SENP7: variants seen among roughly 807,000 people sequenced by gnomAD.
SENP7 encodes the protein sentrin-specific protease 7.
A neutral mutation model predicts 141.2 loss-of-function variants in SENP7; 64 were observed. The ratio of observed to expected loss-of-function variants is 0.45; its 90% confidence interval spans 0.37 to 0.56. SENP7 has a LOEUF of 0.56. Among genes scored for constraint, SENP7 ranks in the 20% least tolerant of loss-of-function variants. The pLI, the probability that SENP7 is intolerant of heterozygous loss-of-function variation, is 0.00. For synonymous variants in SENP7, 382 were observed against 426.4 expected (o/e 0.90, Z 1.28); for missense variants, 1,025 against 1,212.2 (o/e 0.85, Z 2.29).
At chr3:101,453,523 A>C (rs2063229535) in intron 4 of SENP7, among the ~76,000 whole-genome samples, 1 of 152,230 alleles carries the variant, frequency 6.6e-6, no homozygotes, top group Non-Finnish European at 1.5e-5. Flanking sequence ...ACACCATGGA[A>C]TACTATGCAG....
intron 6 of SENP7, among the ~76,000 whole-genome samples, chr3:101,372,641 A>T (rs2060212855): frequency 1.3e-5 from 2 of 152,084 alleles, no homozygotes; most frequent in African/African-American, 4.8e-5. Context: ...TTTTGGAATG[A>T]TAGTCACAAT....
chr3:101,489,509 T>C (rs1250367836), intron 3 of SENP7, among the ~76,000 whole-genome samples: 1 of 152,208 alleles, frequency 6.6e-6, no homozygotes, highest in Non-Finnish European at 1.5e-5. Context: ...GGAGCCACTA[T>C]TCTTATATCA....
chr3:101,344,868 A>T (rs193258730), intron 13 of SENP7, among the ~76,000 whole-genome samples: 1 of 152,028 alleles, frequency 6.6e-6, no homozygotes, highest in East Asian at 1.9e-4. Context: ...TTGGCCAGGC[A>T]TGGTGGCTCA....
chr3:101,450,070 G>T (rs1158322178), intron 4 of SENP7, among the ~76,000 whole-genome samples: 3 of 151,450 alleles, frequency 2.0e-5, no homozygotes, highest in African/African-American at 2.4e-5. Flanking sequence ...TCCTAGTCTC[G>T]GATAAAACAG....
At chr3:101,378,232 C>T (rs1157370229) in intron 6 of SENP7, among the ~76,000 whole-genome samples, 1 of 151,678 alleles carries the variant, frequency 6.6e-6, no homozygotes, top group Non-Finnish European at 1.5e-5. Context: ...CAACAAGTAT[C>T]AGAACCAGAA....
At chr3:101,381,100 G>A (rs2060489038) in intron 6 of SENP7, among the ~76,000 whole-genome samples, 2 of 152,146 alleles carry the variant, frequency 1.3e-5, no homozygotes, top group Non-Finnish European at 2.9e-5. Flanking sequence ...TAATTCTAAG[G>A]CGAATGCATG....
At chr3:101,475,908 A>G (rs2064195641) in intron 3 of SENP7, among the ~76,000 whole-genome samples, 1 of 152,170 alleles carries the variant, frequency 6.6e-6, no homozygotes, top group African/African-American at 2.4e-5. Context: ...TGATACTTGG[A>G]GAATTAAACA....
intron 21 of SENP7, 36 bp from the exon 22 acceptor site, chr3:101,328,582 A>G: frequency 1.3e-6 from 2 of 1,599,434 alleles, no homozygotes; most frequent in Non-Finnish European, 1.7e-6. Flanking sequence ...AGATTTACAT[A>G]CTTGTATACA....
intron 6 of SENP7, among the ~76,000 whole-genome samples, chr3:101,383,595 C>T (rs1156536834): frequency 6.6e-6 from 1 of 152,210 alleles, no homozygotes; most frequent in Non-Finnish European, 1.5e-5. Flanking sequence ...GTGCCCACTC[C>T]AATTCTAGAG....
intron 1 of SENP7, among the ~76,000 whole-genome samples, chr3:101,512,247 G>A (rs902857918): frequency 9.2e-5 from 14 of 152,126 alleles, no homozygotes; most frequent in Admixed American, 7.9e-4. Flanking sequence ...ATGAGTCCTC[G>A]TCCTCTCCTC....
intron 23 of SENP7, 67 bp downstream of exon 23, chr3:101,327,599 A>G: frequency 8.0e-7 from 1 of 1,249,482 alleles, no homozygotes; most frequent in Admixed American, 2.3e-5. Flanking sequence ...ACGGACTATT[A>G]CACCCAGTAA....
intron 11 of SENP7, 48 bp downstream of exon 11, chr3:101,361,667 C>T: frequency 6.8e-7 from 1 of 1,461,696 alleles, no homozygotes; most frequent in Non-Finnish European, 9.0e-7. Context: ...AATTAAAATG[C>T]CTTGTCCAAG....
intron 12 of SENP7, among the ~76,000 whole-genome samples, chr3:101,350,892 AAATT>A (rs1421845620): frequency 6.6e-6 from 1 of 152,004 alleles, no homozygotes; most frequent in Non-Finnish European, 1.5e-5. Flanking sequence ...GTAAGCAATC[AAATT>A]ATTAGAACAA....
rs573305375 is a variant in SENP7 at position 101,366,343 on chromosome 3, C to T, written c.1318+87G>A. 7.8e-4 allele frequency: 796 copies of T among 1,017,334 alleles called. 6 individuals are homozygous for T. The African/African-American group carries it at 0.012, about 15-fold the overall frequency. 63.0% of individuals were successfully genotyped at this position (1,017,334 alleles called of 1,614,324 possible). A position where few individuals can be genotyped will look rare whatever the true frequency, so the allele number is the denominator to read the frequency against. Reference sequence around the variant, plus strand: ...AATGATGTCATAAACAGCTTATGGCCTTAGCCAAATTTGTTCAAGAAGAAT... The same window carrying T: ...AATGATGTCATAAACAGCTTATGGCTTTAGCCAAATTTGTTCAAGAAGAAT... On this transcript the variant is annotated intron_variant, in intron 9 of 23. Transcript: ENST00000394095.
At chr3:101,383,735 A>T (rs1410405632) in intron 6 of SENP7, among the ~76,000 whole-genome samples, 1 of 152,172 alleles carries the variant, frequency 6.6e-6, no homozygotes, top group African/African-American at 2.4e-5. Flanking sequence ...AGGGAAGGGG[A>T]TGCTGAGGGC....
chr3:101,375,880 T>C (rs940392623), intron 6 of SENP7, among the ~76,000 whole-genome samples: 1 of 152,162 alleles, frequency 6.6e-6, no homozygotes. Context: ...AGGACAAATA[T>C]TGTGTGATTC....
At chr3:101,487,665 A>C (rs2064788552) in intron 3 of SENP7, among the ~76,000 whole-genome samples, 1 of 152,208 alleles carries the variant, frequency 6.6e-6, no homozygotes, top group Admixed American at 6.5e-5. Context: ...GTCCAGTTTC[A>C]TTCTGTTGCA....
intron 4 of SENP7, among the ~76,000 whole-genome samples, chr3:101,441,882 T>C (rs2062689123): frequency 6.6e-6 from 1 of 152,130 alleles, no homozygotes. Flanking sequence ...GTCTGAAAAT[T>C]TTAAAAATAA....
At chr3:101,367,273 T>C (rs778881397) in intron 8 of SENP7, among the ~76,000 whole-genome samples, 2 of 152,122 alleles carry the variant, frequency 1.3e-5, no homozygotes, top group Non-Finnish European at 2.9e-5. Context: ...GGTCCTGAAA[T>C]GATTTATGGA....
Sources: gnomAD v4.1 joint callset for allele counts (sites outside exome capture counted in the v4.1 genomes callset) on GRCh38, gnomAD v4.1.1 for gene constraint, MANE v1.5 for transcripts, NCBI Gene and HGNC (gene_info 2026-07-23, HGNC 2026-07-21) for gene names.